The following JPH2 variants were observed in gnomAD, a reference collection of about 807,000 sequenced individuals.
JPH2 encodes the protein junctophilin-2.
A neutral mutation model predicts 55.9 loss-of-function variants in JPH2; 38 were observed. The observed-to-expected ratio is 0.68, with a 90% CI of 0.52 to 0.89. JPH2 has a LOEUF of 0.89. JPH2 is among the 40% of genes least tolerant of loss of function. The pLI, the probability that JPH2 is intolerant of heterozygous loss-of-function variation, is 0.00. For missense variants in JPH2, 964 were observed against 1,037.6 expected (o/e 0.93, Z 0.97); for synonymous variants, 480 against 472.4 (o/e 1.02, Z -0.21).
At chr20:44,161,542 C>T (rs922498559) in intron 1 of JPH2, among the ~76,000 whole-genome samples, 2 of 152,102 alleles carry the variant, frequency 1.3e-5, no homozygotes, top group African/African-American at 2.4e-5. Context: ...CTCCCTGTAC[C>T]TTAGCTTCCT....
intron 1 of JPH2, among the ~76,000 whole-genome samples, chr20:44,174,974 G>A (rs867490123): frequency 4.6e-5 from 7 of 152,022 alleles, no homozygotes; most frequent in Middle Eastern, 3.4e-3. Flanking sequence ...TCCAGTCTGG[G>A]TAACAGAGTG....
intron 1 of JPH2, chr20:44,177,831 T>A: frequency 4.4e-6 from 7 of 1,596,504 alleles, no homozygotes; most frequent in Non-Finnish European, 6.0e-6. Flanking sequence ...CAGGCCATCC[T>A]GAATTAATTC....
chr20:44,115,317 C>T (rs1331748206), intron 4 of JPH2, among the ~76,000 whole-genome samples: 1 of 152,156 alleles, frequency 6.6e-6, no homozygotes. Context: ...CACCTTGTAG[C>T]AGATGCTGCT....
At chr20:44,178,770 G>A (rs939602576) in intron 1 of JPH2, among the ~76,000 whole-genome samples, 1 of 152,118 alleles carries the variant, frequency 6.6e-6, no homozygotes, top group African/African-American at 2.4e-5. Context: ...AGTAACCAAG[G>A]CAGCATGACA....
chr20:44,123,592 C>G (rs2145844277), intron 2 of JPH2, among the ~76,000 whole-genome samples: 1 of 152,338 alleles, frequency 6.6e-6, no homozygotes, highest in African/African-American at 2.4e-5. Context: ...ACCAGCAGCT[C>G]ACGGGGTGAA....
intron 2 of JPH2, among the ~76,000 whole-genome samples, chr20:44,133,227 C>A (rs1044589303): frequency 1.4e-5 from 2 of 148,132 alleles, no homozygotes; most frequent in South Asian, 4.4e-4. Context: ...CTTCTTTAAA[C>A]TCTCCCCAAT....
intron 1 of JPH2, among the ~76,000 whole-genome samples, chr20:44,169,078 C>A (rs528823036): frequency 2.6e-5 from 4 of 152,110 alleles, no homozygotes; most frequent in African/African-American, 9.7e-5. Context: ...GCCTGAGGCC[C>A]TTATCAGAGG....
At chr20:44,157,566 A>G (rs1425608753) in intron 2 of JPH2, among the ~76,000 whole-genome samples, 1 of 152,144 alleles carries the variant, frequency 6.6e-6, no homozygotes, top group Non-Finnish European at 1.5e-5. Context: ...ACCTCACAAT[A>G]GGATTGTGAG....
chr20:44,172,344 C>A (rs532975459), intron 1 of JPH2, among the ~76,000 whole-genome samples: 3 of 152,096 alleles, frequency 2.0e-5, no homozygotes, highest in African/African-American at 4.8e-5. Flanking sequence ...TAGGACAAAC[C>A]AACCAACCAA....
chr20:44,142,546 G>A (rs1030131758), intron 2 of JPH2, among the ~76,000 whole-genome samples: 7 of 152,084 alleles, frequency 4.6e-5, no homozygotes, highest in African/African-American at 7.2e-5. Flanking sequence ...TCCCCCTGAC[G>A]CAGCCCCCTG....
At chr20:44,175,217 C>A (rs1448255280) in intron 1 of JPH2, among the ~76,000 whole-genome samples, 1 of 152,176 alleles carries the variant, frequency 6.6e-6, no homozygotes, top group Non-Finnish European at 1.5e-5. Context: ...CTGCCACTGA[C>A]CCCATCTCTG....
chr20:44,186,831 G>A lies in JPH2; in HGVS notation c.-126C>T. The A allele has an allele frequency of 1.1e-6, 1 of 943,028 alleles. No individual in the cohort carries two copies. Among genetic ancestry groups the A allele is most frequent in the South Asian group, 1.5e-5 (1 of 65,970 alleles). 58.4% of individuals were successfully genotyped at this position (943,028 alleles called of 1,614,324 possible). A position where few individuals can be genotyped will look rare whatever the true frequency, so the allele number is the denominator to read the frequency against. ...CAGACTCACCACTGCACCCCAGGAG[G>A]GGGGAAGCAGGATGCCAGCAGAGGC... On this transcript the variant is annotated 5_prime_UTR_variant, in exon 1 of 6. Coordinates refer to ENST00000372980, the MANE Select transcript of JPH2 (RefSeq NM_020433.5).
rs1265281859 is a variant in JPH2 at position 44,109,798 on chromosome 20, G to A, written c.*3720C>T. 6.6e-6 allele frequency among the ~76,000 whole-genome samples: 1 copy of A among 152,166 alleles called. No homozygotes were observed. Among genetic ancestry groups the A allele is most frequent in the Non-Finnish European group, 1.5e-5 (1 of 68,030 alleles). ...ATCATCTGGGCCTGCATCTCTCCCA[G>A]AACAGCCAGGTCTTCTGTGGGTCCA... On this transcript the variant is annotated 3_prime_UTR_variant, in exon 6 of 6. Coordinates refer to ENST00000372980, the MANE Select transcript of JPH2 (RefSeq NM_020433.5).
At chr20:44,150,129 A>C (rs1274225281) in intron 2 of JPH2, among the ~76,000 whole-genome samples, 1 of 152,170 alleles carries the variant, frequency 6.6e-6, no homozygotes. Flanking sequence ...CAGGAAGTAC[A>C]GGAAAGAGAG....
At chr20:44,162,065 T>A (rs1274802157) in intron 1 of JPH2, among the ~76,000 whole-genome samples, 1 of 152,206 alleles carries the variant, frequency 6.6e-6, no homozygotes. Flanking sequence ...TTCGTCTTTG[T>A]ACCTCCACCA....
intron 1 of JPH2, among the ~76,000 whole-genome samples, chr20:44,167,415 G>C (rs548508130): frequency 2.0e-5 from 3 of 152,294 alleles, no homozygotes; most frequent in East Asian, 3.9e-4. Flanking sequence ...TATGTCCTTT[G>C]AGAGGCAGGA....
In JPH2 at chr20:44,177,663, C is replaced by T. The variant is rs564689384; in HGVS notation, c.379+8664G>A. ...ATGAGGTTAAATTATGCTGATTCTACATTCGAAATGGAATCATGTCTGGCA... is the reference window on the plus strand; with the variant it reads ...ATGAGGTTAAATTATGCTGATTCTATATTCGAAATGGAATCATGTCTGGCA... On this transcript the variant is annotated intron_variant, in intron 1 of 5. Coordinates refer to ENST00000372980, the MANE Select transcript of JPH2 (RefSeq NM_020433.5). 18 of 1,231,034 alleles carry T rather than the reference C, an allele frequency of 1.5e-5. No homozygotes were observed. In the Admixed American group the frequency reaches 3.9e-4, roughly 27 times the overall value. 76.3% of individuals were successfully genotyped at this position (1,231,034 alleles called of 1,614,324 possible). A position where few individuals can be genotyped will look rare whatever the true frequency, so the allele number is the denominator to read the frequency against.
At chr20:44,178,005 G>A (rs758960565) in intron 1 of JPH2, 3 of 886,678 alleles carry the variant, frequency 3.4e-6, no homozygotes, top group Non-Finnish European at 5.8e-6. Context: ...AGCTCAGGGA[G>A]GTTACATGGT....
At chr20:44,150,366 G>T (rs562968909) in intron 2 of JPH2, among the ~76,000 whole-genome samples, 7 of 152,290 alleles carry the variant, frequency 4.6e-5, no homozygotes, top group South Asian at 2.1e-4. Context: ...AAGCTATAAA[G>T]CATCACTGAA....
Sources: allele counts gnomAD v4.1 joint callset (sites outside exome capture counted in the v4.1 genomes callset), GRCh38; gene constraint gnomAD v4.1.1; transcripts MANE v1.5; gene names NCBI Gene and HGNC (gene_info 2026-07-23, HGNC 2026-07-21).